The following RAB10 variants were observed in gnomAD, a reference collection of about 807,000 sequenced individuals.
The protein encoded by RAB10 is RAB10, member RAS oncogene family, also known as ras-related protein Rab-10.
A neutral mutation model predicts 25.7 loss-of-function variants in RAB10; 5 were observed. The observed-to-expected ratio is 0.19, with a 90% CI of 0.10 to 0.41. The LOEUF (loss-of-function observed/expected upper bound fraction) is 0.41, where lower values mean the gene tolerates loss of function less well. Ranked by LOEUF, RAB10 falls within the 10% of genes least tolerant of loss-of-function variation. RAB10 has a pLI of 1.00. For synonymous variants in RAB10, 89 were observed against 86.4 expected (o/e 1.03, Z -0.16); for missense variants, 103 against 245.8 (o/e 0.42, Z 3.89).
At chr2:26,033,845 C>G (rs1158034494), upstream of RAB10, among the ~76,000 whole-genome samples, 1 of 152,166 alleles carries the variant, frequency 6.6e-6, no homozygotes, top group Non-Finnish European at 1.5e-5. Context: ...GTAGCGTCTC[C>G]CCCGGGGCGT....
intron 1 of RAB10, among the ~76,000 whole-genome samples, chr2:26,053,115 G>C (rs1304539509): frequency 1.3e-5 from 2 of 152,186 alleles, no homozygotes; most frequent in Non-Finnish European, 2.9e-5. Context: ...TCTCTCTGCT[G>C]TCTCAACTGG....
chr2:26,119,285 C>T (rs1667755675), intron 3 of RAB10, among the ~76,000 whole-genome samples: 1 of 151,942 alleles, frequency 6.6e-6, no homozygotes, highest in African/African-American at 2.4e-5. Context: ...GCGGTGAGTA[C>T]CTGTAGTCCC....
intron 1 of RAB10, chr2:26,042,867 C>T (rs1665921246): frequency 6.6e-6 from 1 of 151,836 alleles, no homozygotes. Context: ...TGTTCAGCAT[C>T]ACTAATAATT....
chr2:26,050,887 G>C (rs10174196), intron 1 of RAB10, among the ~76,000 whole-genome samples: 5,128 of 152,014 alleles, frequency 0.034, 291 homozygotes, highest in African/African-American at 0.12. Context: ...GATTACAGGT[G>C]TGAGTCCTTG....
upstream of RAB10, among the ~76,000 whole-genome samples, chr2:26,033,622 G>A (rs1665681294): frequency 6.6e-6 from 1 of 152,222 alleles, no homozygotes; most frequent in Non-Finnish European, 1.5e-5. Context: ...CCACCTACAC[G>A]GGAACACATG....
chr2:26,115,591 GAA>G (rs968143200), intron 3 of RAB10, among the ~76,000 whole-genome samples: 38 of 152,156 alleles, frequency 2.5e-4, no homozygotes, highest in African/African-American at 8.7e-4. Context: ...TGTTTGGAGA[GAA>G]AAGAGTGGTT....
chr2:26,034,337 G>A lies in RAB10; in HGVS notation c.-272G>A, dbSNP rs1342862913. On this transcript the variant is annotated 5_prime_UTR_variant, in exon 1 of 6. Transcript: ENST00000264710. ...CGGCCGAGAAGCCCTGAGGGGGGAG[G>A]GGAGGCCATTTTGTCCCGACCGACT... The A allele has an allele frequency of 1.6e-5, 9 of 570,804 alleles. No individual in the cohort carries two copies. The highest frequency in any genetic ancestry group is 2.2e-5 in the Non-Finnish European group (7 of 320,146). 35.4% of individuals were successfully genotyped at this position (570,804 alleles called of 1,614,324 possible). A position where few individuals can be genotyped will look rare whatever the true frequency, so the allele number is the denominator to read the frequency against.
chr2:26,039,015 C>CT (rs70950162), intron 1 of RAB10, among the ~76,000 whole-genome samples: 55 of 108,916 alleles, frequency 5.0e-4, no homozygotes, highest in East Asian at 1.1e-3. Flanking sequence ...TTAATAGCCA[C>CT]TTTTTTTTTT....
In RAB10 at chr2:26,071,027, G is replaced by A. The variant is rs749490670; in HGVS notation, c.128-27635G>A. 7.2e-5 allele frequency among the ~76,000 whole-genome samples: 11 copies of A among 152,278 alleles called. No individual in the cohort carries two copies. The South Asian group carries it at 2.3e-3, about 32-fold the overall frequency. Reference sequence around the variant, plus strand: ...AAGACAATGGAACCAAGCTGGACTAGTAGTCATTGTATTTACCACCATGTA... The same window carrying A: ...AAGACAATGGAACCAAGCTGGACTAATAGTCATTGTATTTACCACCATGTA... On this transcript the variant is annotated intron_variant, in intron 1 of 5. Coordinates refer to ENST00000264710, the MANE Select transcript of RAB10 (RefSeq NM_016131.5).
At chr2:26,083,462 C>T (rs1337632253) in intron 1 of RAB10, among the ~76,000 whole-genome samples, 1 of 122,992 alleles carries the variant, frequency 8.1e-6, no homozygotes, top group African/African-American at 3.0e-5. Flanking sequence ...CCCCTCCTTT[C>T]TCCTTTCCTT....
chr2:26,109,817 A>G lies in RAB10; in HGVS notation c.238A>G (p.Arg80Gly), dbSNP rs2149283914. Residue 80 changes from arginine (R) to glycine (G), a missense_variant, in exon 3 of 6, where the codon AGA (arginine) becomes GGA (glycine). Arg to Gly is a moderately radical substitution (Grantham distance 125). Coordinates refer to ENST00000264710, the MANE Select transcript of RAB10 (RefSeq NM_016131.5). ...RFHTITTSYYRGAMGIMLVYD... is the reference protein window; with the variant it reads ...RFHTITTSYYGGAMGIMLVYD... ...TCACACCATCACAACCTCCTACTAC[A>G]GAGGCGCAATGGGTATCATGCTAGT... is the stretch of plus-strand genomic sequence containing the variant. 1 of 1,610,940 alleles carries G rather than the reference A, an allele frequency of 6.2e-7. No individual in the cohort carries two copies. Among genetic ancestry groups the G allele is most frequent in the Non-Finnish European group, 8.5e-7 (1 of 1,178,784 alleles).
At position 26,034,180 on chromosome 2, in the gene RAB10, T is replaced by C. The variant is rs1665703695; in HGVS notation, c.-429T>C. 9.6e-6 allele frequency: 4 copies of C among 417,236 alleles called. No individual in the cohort carries two copies. Among genetic ancestry groups the C allele is most frequent in the African/African-American group, 2.0e-5 (1 of 48,884 alleles). The allele number at this position is 417,236 out of a possible 1,614,324, so 25.8% of individuals were successfully genotyped here. A position where few individuals can be genotyped will look rare whatever the true frequency, so the allele number is the denominator to read the frequency against. On this transcript the variant is annotated 5_prime_UTR_variant, in exon 1 of 6. Coordinates refer to ENST00000264710, the MANE Select transcript of RAB10 (RefSeq NM_016131.5). ...TCCTGGGGCTATGTAACTGAGCTCG[T>C]CGACTTAGGGGTCCTTCTTCGCTGC...
intron 1 of RAB10, among the ~76,000 whole-genome samples, chr2:26,056,153 A>C (rs1666260243): frequency 6.6e-6 from 1 of 151,754 alleles, no homozygotes; most frequent in Admixed American, 6.6e-5. Flanking sequence ...AGCCTCCCAA[A>C]GTGTTGGGAT....
chr2:26,121,057 G>A (rs928603256), intron 3 of RAB10, among the ~76,000 whole-genome samples: 3 of 152,114 alleles, frequency 2.0e-5, no homozygotes, highest in South Asian at 2.1e-4. Flanking sequence ...GATTACAGAC[G>A]TGCATCGCCA....
At chr2:26,035,169 A>G (rs1665738879) in intron 1 of RAB10, among the ~76,000 whole-genome samples, 1 of 152,206 alleles carries the variant, frequency 6.6e-6, no homozygotes. Flanking sequence ...ATATGGTGAT[A>G]ACTTAGAGTA....
intron 3 of RAB10, among the ~76,000 whole-genome samples, chr2:26,122,971 G>A (rs931939768): frequency 2.6e-5 from 4 of 152,172 alleles, no homozygotes; most frequent in African/African-American, 9.7e-5. Flanking sequence ...AAGGCAGGAA[G>A]GGATAGGCTA....
At chr2:26,115,384 T>G (rs922041212) in intron 3 of RAB10, among the ~76,000 whole-genome samples, 9 of 152,020 alleles carry the variant, frequency 5.9e-5, no homozygotes, top group African/African-American at 2.2e-4. Context: ...ATGTGTATAT[T>G]CATATAAGGG....
At chr2:26,108,904 TA>T (rs1230072783) in intron 2 of RAB10, among the ~76,000 whole-genome samples, 5 of 150,450 alleles carry the variant, frequency 3.3e-5, no homozygotes, top group African/African-American at 1.2e-4. Flanking sequence ...TTTATTTATT[TA>T]TTTATTTATT....
At chr2:26,043,936 A>C (rs1342492459) in intron 1 of RAB10, among the ~76,000 whole-genome samples, 1 of 152,222 alleles carries the variant, frequency 6.6e-6, no homozygotes. Context: ...ATATGAGGCT[A>C]TCTAAAGTCA....
Sources: gnomAD v4.1 joint callset for allele counts (sites outside exome capture counted in the v4.1 genomes callset) on GRCh38, gnomAD v4.1.1 for gene constraint, MANE v1.5 for transcripts, NCBI Gene and HGNC (gene_info 2026-07-23, HGNC 2026-07-21) for gene names.